EPHA6: variants seen among roughly 807,000 people sequenced by gnomAD.
EPHA6 encodes the protein EPH receptor A6, also known as ephrin type-A receptor 6.
EPHA6 carries 50 observed loss-of-function variants against 112.0 expected under a neutral mutation model. The ratio of observed to expected loss-of-function variants is 0.45; its 90% confidence interval spans 0.36 to 0.56. The LOEUF (loss-of-function observed/expected upper bound fraction) is 0.56, where lower values mean the gene tolerates loss of function less well. EPHA6 is among the 20% of genes least tolerant of loss of function. The pLI is 0.00. For synonymous variants in EPHA6, 529 were observed against 490.7 expected (o/e 1.08, Z -1.03); for missense variants, 1,280 against 1,417.4 (o/e 0.90, Z 1.56).
chr3:97,202,184 T>A (rs2077592604), intron 3 of EPHA6, among the ~76,000 whole-genome samples: 1 of 152,034 alleles, frequency 6.6e-6, no homozygotes, highest in South Asian at 2.1e-4. Flanking sequence ...AAACTCCTTT[T>A]TGATACTCAA....
intron 2 of EPHA6, among the ~76,000 whole-genome samples, chr3:96,888,277 C>G (rs9833803): frequency 0.12 from 18,619 of 152,194 alleles, 1,489 homozygotes; most frequent in Non-Finnish European, 0.18. Context: ...TCCCCTACCA[C>G]TGTATTTCGC....
At chr3:97,656,714 A>T (rs1393905279) in intron 14 of EPHA6, among the ~76,000 whole-genome samples, 2 of 151,976 alleles carry the variant, frequency 1.3e-5, no homozygotes, top group Non-Finnish European at 2.9e-5. Flanking sequence ...AAAAGAAAGC[A>T]CTGAAAAAAT....
In EPHA6 at chr3:97,720,335, A is replaced by G; in HGVS notation, c.2859A>G (p.Ala953=). Residue 953 remains alanine, a synonymous_variant, in exon 15 of 18, where the codon GCA becomes GCG. Coordinates refer to ENST00000389672, the MANE Select transcript of EPHA6 (RefSeq NM_001080448.3). The part of the protein sequence containing the change: ...AYRKFSSASD[A]WSYGIVMWEV... Reference sequence around the variant, plus strand: ...GAAAATTCTCCTCAGCAAGCGATGCATGGAGCTATGGCATTGTCATGTGGG... The same window carrying G: ...GAAAATTCTCCTCAGCAAGCGATGCGTGGAGCTATGGCATTGTCATGTGGG... The G allele has an allele frequency of 1.9e-6, 3 of 1,611,514 alleles. No homozygotes were observed. Among genetic ancestry groups the G allele is most frequent in the African/African-American group, 1.3e-5 (1 of 74,838 alleles).
At chr3:97,288,924 A>ATTTTTTTTT in intron 5 of EPHA6, among the ~76,000 whole-genome samples, 1 of 111,278 alleles carries the variant, frequency 9.0e-6, no homozygotes, top group Non-Finnish European at 1.8e-5. Flanking sequence ...TTTAATGGGG[A>ATTTTTTTTT]TTTTTTTTTT....
intron 5 of EPHA6, among the ~76,000 whole-genome samples, chr3:97,383,328 A>G (rs1161084786): frequency 6.6e-6 from 1 of 152,228 alleles, no homozygotes; most frequent in East Asian, 1.9e-4. Flanking sequence ...TACTGAACAT[A>G]TCCGGAAACA....
chr3:96,933,242 G>A (rs2040421196), intron 2 of EPHA6, among the ~76,000 whole-genome samples: 2 of 152,096 alleles, frequency 1.3e-5, no homozygotes, highest in Non-Finnish European at 1.5e-5. Flanking sequence ...AGGGGCAAAG[G>A]AAGAAGGGGT....
intron 11 of EPHA6, among the ~76,000 whole-genome samples, chr3:97,547,203 C>G (rs1281227195): frequency 2.0e-5 from 3 of 152,090 alleles, no homozygotes; most frequent in African/African-American, 7.2e-5. Context: ...GTTTTATCTA[C>G]CTTTGGTCTT....
At chr3:97,699,255 G>C (rs1030880584) in intron 14 of EPHA6, among the ~76,000 whole-genome samples, 2 of 152,090 alleles carry the variant, frequency 1.3e-5, no homozygotes, top group African/African-American at 4.8e-5. Context: ...TATAGGACAG[G>C]TATAATATAT....
At chr3:97,739,019 T>C (rs1246600241) in intron 16 of EPHA6, among the ~76,000 whole-genome samples, 2 of 152,022 alleles carry the variant, frequency 1.3e-5, no homozygotes, top group African/African-American at 2.4e-5. Flanking sequence ...TGAGACTGTT[T>C]AGGGAGAAGA....
intron 5 of EPHA6, among the ~76,000 whole-genome samples, chr3:97,380,459 C>G (rs2085658864): frequency 6.6e-6 from 1 of 152,070 alleles, no homozygotes; most frequent in Admixed American, 6.6e-5. Context: ...TCACAGAATG[C>G]CTAACTCATT....
chr3:97,515,375 G>A (rs1375858295), intron 10 of EPHA6, among the ~76,000 whole-genome samples: 1 of 152,154 alleles, frequency 6.6e-6, no homozygotes, highest in African/African-American at 2.4e-5. Flanking sequence ...CTGTTAATCA[G>A]ATAGTCATAT....
At chr3:97,710,897 T>C (rs942103314) in intron 14 of EPHA6, among the ~76,000 whole-genome samples, 1 of 152,258 alleles carries the variant, frequency 6.6e-6, no homozygotes, top group African/African-American at 2.4e-5. Context: ...ATACTACTAG[T>C]ATAAATATAG....
At chr3:97,708,991 C>A (rs1025595010) in intron 14 of EPHA6, among the ~76,000 whole-genome samples, 1 of 152,160 alleles carries the variant, frequency 6.6e-6, no homozygotes, top group East Asian at 1.9e-4. Context: ...GTTGCAGGAG[C>A]AGAGCCTTCA....
At chr3:97,301,918 G>C (rs182340635) in intron 5 of EPHA6, among the ~76,000 whole-genome samples, 1 of 151,888 alleles carries the variant, frequency 6.6e-6, no homozygotes, top group Non-Finnish European at 1.5e-5. Context: ...ATTTGAAGCC[G>C]CATCACCTAG....
intron 2 of EPHA6, among the ~76,000 whole-genome samples, chr3:96,957,331 T>G (rs2041802710): frequency 6.6e-6 from 1 of 152,176 alleles, no homozygotes; most frequent in Non-Finnish European, 1.5e-5. Context: ...AAGATATAAC[T>G]ATGGTAGACA....
intron 5 of EPHA6, among the ~76,000 whole-genome samples, chr3:97,319,091 G>C (rs550448772): frequency 1.3e-5 from 2 of 151,368 alleles, no homozygotes; most frequent in East Asian, 3.9e-4. Context: ...ATTCTCTTAC[G>C]ACATCACTTG....
intron 12 of EPHA6, among the ~76,000 whole-genome samples, chr3:97,600,322 A>G (rs955915351): frequency 6.7e-6 from 1 of 150,254 alleles, no homozygotes; most frequent in African/African-American, 2.5e-5. Flanking sequence ...GAGTGGTGAG[A>G]GAGGGCATCC....
chr3:96,905,144 A>G (rs563695479), intron 2 of EPHA6, among the ~76,000 whole-genome samples: 1 of 152,220 alleles, frequency 6.6e-6, no homozygotes, highest in African/African-American at 2.4e-5. Flanking sequence ...ACTAAGAAAA[A>G]TGGCTTTAGA....
intron 3 of EPHA6, among the ~76,000 whole-genome samples, chr3:97,154,167 A>T: frequency 7.4e-6 from 1 of 134,738 alleles, no homozygotes; most frequent in African/African-American, 3.4e-5. Flanking sequence ...CACTGTCTCA[A>T]AAAAAAAAAA....
Sources: allele counts gnomAD v4.1 joint callset (sites outside exome capture counted in the v4.1 genomes callset), GRCh38; gene constraint gnomAD v4.1.1; transcripts MANE v1.5; gene names NCBI Gene and HGNC (gene_info 2026-07-23, HGNC 2026-07-21).